The following RIMS2 variants were observed in gnomAD, a reference collection of about 807,000 sequenced individuals.
RIMS2 encodes regulating synaptic membrane exocytosis protein 2.
RIMS2 carries 59 observed loss-of-function variants against 174.4 expected under a neutral mutation model. That is an observed-to-expected ratio of 0.34 (90% confidence interval 0.27 to 0.42). RIMS2 has a LOEUF of 0.42. Ranked by LOEUF, RIMS2 falls within the 10% of genes least tolerant of loss-of-function variation. RIMS2 has a pLI of 1.00. For missense variants in RIMS2, 1,620 were observed against 1,666.3 expected (o/e 0.97, Z 0.48); for synonymous variants, 606 against 572.5 (o/e 1.06, Z -0.84).
At chr8:104,071,501 A>G (rs2097194427) in intron 19 of RIMS2, among the ~76,000 whole-genome samples, 1 of 151,958 alleles carries the variant, frequency 6.6e-6, no homozygotes, top group South Asian at 2.1e-4. Context: ...GTGGCACCAT[A>G]TCAGCTCACT....
At chr8:104,108,935 G>A (rs2098126434) in intron 19 of RIMS2, among the ~76,000 whole-genome samples, 1 of 152,168 alleles carries the variant, frequency 6.6e-6, no homozygotes, top group Admixed American at 6.5e-5. Flanking sequence ...TTGCTAAGCT[G>A]TGAATGAGAA....
intron 19 of RIMS2, among the ~76,000 whole-genome samples, chr8:104,214,731 C>T (rs1455665035): frequency 1.3e-5 from 2 of 152,286 alleles, no homozygotes; most frequent in Non-Finnish European, 1.5e-5. Context: ...TGAGCCACCT[C>T]GCCAGGCCCG....
In RIMS2 at chr8:104,173,613, A is replaced by ATTTTTTTTTTT. The variant is rs71297262; in HGVS notation, c.3335-71280_3335-71270dup. On this transcript the variant is annotated intron_variant, in intron 19 of 23. Transcript: ENST00000504942. ...AATATTTACTACCTTAGCTCTTCTG[A>ATTTTTTTTTTT]TTTTTTTTTTTTTTTTTTTTTTTTT... is the stretch of plus-strand genomic sequence containing the variant. Among the ~76,000 whole-genome samples, 28 of 54,236 alleles carry ATTTTTTTTTTT rather than the reference A, an allele frequency of 5.2e-4. 9 individuals carry two copies. The highest frequency in any genetic ancestry group is 2.1e-3 in the South Asian group (2 of 950). The allele number at this position is 54,236 out of a possible 152,430, so 35.6% of individuals were successfully genotyped here. A position where few individuals can be genotyped will look rare whatever the true frequency, so the allele number is the denominator to read the frequency against.
intron 1 of RIMS2, among the ~76,000 whole-genome samples, chr8:103,688,006 T>G (rs937410567): frequency 6.6e-6 from 1 of 152,126 alleles, no homozygotes; most frequent in African/African-American, 2.4e-5. Flanking sequence ...TACTGGAGTC[T>G]TTAGGGTTTA....
At chr8:103,608,416 A>T (rs2095229888) in intron 1 of RIMS2, among the ~76,000 whole-genome samples, 1 of 144,000 alleles carries the variant, frequency 6.9e-6, no homozygotes, top group South Asian at 2.1e-4. Context: ...AGGGACATTT[A>T]AGTCTGCAGA....
chr8:103,676,196 TG>T (rs1376585946), intron 1 of RIMS2, among the ~76,000 whole-genome samples: 3 of 150,486 alleles, frequency 2.0e-5, no homozygotes, highest in Non-Finnish European at 4.4e-5. Flanking sequence ...CCCTTACAAA[TG>T]GAAATTTCCT....
chr8:103,991,105 A>T lies in RIMS2; in HGVS notation c.3044+1684A>T, dbSNP rs2094665569. Among the ~76,000 whole-genome samples the T allele has an allele frequency of 2.6e-5, 4 of 151,782 alleles. No individual in the cohort carries two copies. The South Asian group carries it at 8.3e-4, about 31-fold the overall frequency. On this transcript the variant is annotated intron_variant, in intron 17 of 23. Transcript: ENST00000504942. ...ATGTGCATTTTTATGGTCTGTCCCA[A>T]TTTATGTCTGCAACTGAAACATCAT...
intron 3 of RIMS2, among the ~76,000 whole-genome samples, chr8:103,807,121 G>A (rs1052845712): frequency 1.3e-5 from 2 of 152,102 alleles, no homozygotes; most frequent in African/African-American, 4.8e-5. Context: ...AATAAAAAGA[G>A]CAGAGAGGGT....
At chr8:103,787,565 A>C (rs2098455547) in intron 3 of RIMS2, among the ~76,000 whole-genome samples, 1 of 152,050 alleles carries the variant, frequency 6.6e-6, no homozygotes, top group Admixed American at 6.6e-5. Flanking sequence ...TTCTGGGTTG[A>C]AAATTCTTTT....
chr8:103,855,631 G>C (rs1213442973), intron 3 of RIMS2, among the ~76,000 whole-genome samples: 1 of 151,980 alleles, frequency 6.6e-6, no homozygotes, highest in Non-Finnish European at 1.5e-5. Context: ...AGTTATTGAG[G>C]AACAAGTTGT....
Position 104,126,199 on chromosome 8 carries a change from G to A in RIMS2, c.3334+111584G>A, listed in dbSNP as rs1306835297. On this transcript the variant is annotated intron_variant, in intron 19 of 23. Transcript: ENST00000504942. ...CTTAATGAAAATTAATAAAAGTTTG[G>A]AAGCTGAGAGACTATTGTCAAAATG... Among the ~76,000 whole-genome samples the A allele has an allele frequency of 2.0e-5, 3 of 152,124 alleles. No homozygotes were observed. The South Asian group carries it at 6.2e-4, about 32-fold the overall frequency.
intron 3 of RIMS2, among the ~76,000 whole-genome samples, chr8:103,795,629 G>A (rs2098544363): frequency 6.6e-6 from 1 of 151,884 alleles, no homozygotes; most frequent in Admixed American, 6.6e-5. Context: ...GGATAAGCCT[G>A]TATTTATCGT....
chr8:103,501,878 G>C (rs372807112), intron 1 of RIMS2, among the ~76,000 whole-genome samples: 1 of 152,106 alleles, frequency 6.6e-6, no homozygotes, highest in African/African-American at 2.4e-5. Context: ...CAGCACCCAG[G>C]CATGCGTTTA....
chr8:104,033,087 C>CTAA, intron 19 of RIMS2, among the ~76,000 whole-genome samples: 2 of 151,780 alleles, frequency 1.3e-5, no homozygotes, highest in Admixed American at 6.6e-5. Flanking sequence ...TAATATTAAT[C>CTAA]TATGAATTAT....
intron 19 of RIMS2, among the ~76,000 whole-genome samples, chr8:104,090,741 G>A (rs2129671477): frequency 6.6e-6 from 1 of 151,858 alleles, no homozygotes; most frequent in South Asian, 2.1e-4. Context: ...GAAGCCTGAG[G>A]ACATACTAGG....
chr8:103,648,547 A>T (rs2096388519), intron 1 of RIMS2, among the ~76,000 whole-genome samples: 1 of 152,254 alleles, frequency 6.6e-6, no homozygotes, highest in African/African-American at 2.4e-5. Context: ...GGGGTGTTAA[A>T]GTCTCCCACT....
intron 19 of RIMS2, among the ~76,000 whole-genome samples, chr8:104,152,994 T>C (rs936180031): frequency 6.6e-6 from 1 of 152,024 alleles, no homozygotes; most frequent in African/African-American, 2.4e-5. Flanking sequence ...TTCTGAAGAG[T>C]AGAAACTCAG....
chr8:103,747,710 G>A (rs1329525884), intron 2 of RIMS2, among the ~76,000 whole-genome samples: 4 of 152,112 alleles, frequency 2.6e-5, no homozygotes, highest in Non-Finnish European at 5.9e-5. Flanking sequence ...ATTACTCCAA[G>A]ATTTTTGGCC....
At chr8:103,727,818 C>G (rs2097542943) in intron 2 of RIMS2, among the ~76,000 whole-genome samples, 1 of 152,100 alleles carries the variant, frequency 6.6e-6, no homozygotes, top group South Asian at 2.1e-4. Flanking sequence ...TATGTTAGTA[C>G]TGTGCTGTTT....
Sources: allele counts gnomAD v4.1 joint callset (sites outside exome capture counted in the v4.1 genomes callset), GRCh38; gene constraint gnomAD v4.1.1; transcripts MANE v1.5; gene names NCBI Gene and HGNC (gene_info 2026-07-23, HGNC 2026-07-21).